Variants in HSPG2 observed in about 807,000 individuals in gnomAD.
HSPG2 encodes basement membrane-specific heparan sulfate proteoglycan core protein.
HSPG2 carries 278 observed loss-of-function variants against 526.6 expected under a neutral mutation model. The observed-to-expected ratio is 0.53, with a 90% CI of 0.48 to 0.58. The LOEUF is 0.58. Ranked by LOEUF, HSPG2 falls within the 20% of genes least tolerant of loss-of-function variation. The pLI, the probability that HSPG2 is intolerant of heterozygous loss-of-function variation, is 0.00. For synonymous variants in HSPG2, 2,465 were observed against 2,555.4 expected, an observed-to-expected ratio of 0.96 and a Z score of 1.07; for missense variants, 5,354 against 6,099.5, an observed-to-expected ratio of 0.88 and a Z score of 4.07.
intron 1 of HSPG2, among the ~76,000 whole-genome samples, chr1:21,919,916 T>C (rs1643987888): frequency 6.6e-6 from 1 of 152,232 alleles, no homozygotes; most frequent in Non-Finnish European, 1.5e-5. Flanking sequence ...GAACTGTTTT[T>C]TCTTTTTTGA....
rs2098022539 is a variant in HSPG2 at position 21,835,435 on chromosome 1, C to A, written c.10453+105G>T. The A allele has an allele frequency of 1.3e-5, 10 of 779,668 alleles. No homozygotes were observed. In the South Asian group the frequency reaches 1.4e-4, roughly 11 times the overall value. The allele number at this position is 779,668 out of a possible 1,614,324, so 48.3% of individuals were successfully genotyped here. A position where few individuals can be genotyped will look rare whatever the true frequency, so the allele number is the denominator to read the frequency against. The stretch of plus-strand genomic sequence containing the variant: ...AATGGAATAATTCTCTTTATTCTGA[C>A]ACATTTAGGGGGATTCCTAGGGAAC... On this transcript the variant is annotated intron_variant, in intron 76 of 96. Coordinates refer to ENST00000374695, the MANE Select transcript of HSPG2 (RefSeq NM_005529.7).
intron 1 of HSPG2, among the ~76,000 whole-genome samples, chr1:21,915,239 G>C (rs906118505): frequency 1.3e-5 from 2 of 152,190 alleles, no homozygotes; most frequent in African/African-American, 4.8e-5. Context: ...CACCGCTAAG[G>C]GGCCCAGGCA....
Position 21,847,845 on chromosome 1 carries a change from G to A in HSPG2, c.7874-5C>T, listed in dbSNP as rs1198426964. 3 of 1,613,922 alleles carry A rather than the reference G, an allele frequency of 1.9e-6. No individual in the cohort carries two copies. The highest frequency in any genetic ancestry group is 1.3e-5 in the African/African-American group (1 of 75,044). On this transcript the variant is annotated splice_region_variant and splice_polypyrimidine_tract_variant and intron_variant, in intron 60 of 96. Transcript: ENST00000374695. This position sits in a 1 kb window ranked among gnomAD's most constrained non-coding sequence, Gnocchi z 4.1. ...TCGGTGGGGAGACGCTGGGCACTGG[G>A]GACAGACGGGTGTGGACCACGCAGC...
In HSPG2 at chr1:21,842,241, T is replaced by C. The variant is rs1359112345; in HGVS notation, c.9050A>G (p.Tyr3017Cys). 1.9e-6 allele frequency: 3 copies of C among 1,613,446 alleles called. No individual in the cohort carries two copies. Among genetic ancestry groups the C allele is most frequent in the African/African-American group, 1.3e-5 (1 of 74,918 alleles). ...VTVPPSEGSS[Y>C]RLRSPVISID... ...CCCATGGCATCTGCCATACTCACGG[T>C]AGGAAGACCCCTCACTGGGCGGGAC... The change falls in exon 68 of 97, where the codon TAC (tyrosine) becomes TGC (cysteine). Residue 3017 changes from tyrosine (Y) to cysteine (C), a missense_variant and splice_region_variant. Coordinates refer to ENST00000374695, the MANE Select transcript of HSPG2 (RefSeq NM_005529.7).
chr1:21,851,235 A>C (rs916911840), intron 55 of HSPG2: 3 of 405,360 alleles, frequency 7.4e-6, no homozygotes, highest in Non-Finnish European at 1.4e-5. Context: ...GGCCTCCCAA[A>C]GTGCTGGGAT....
At chr1:21,873,458 A>G in intron 29 of HSPG2, 34 bp from the exon 30 acceptor site, 1 of 1,610,680 alleles carries the variant, frequency 6.2e-7, no homozygotes, top group East Asian at 2.2e-5. Flanking sequence ...TGAATTTTGG[A>G]TGAAGGGAAG....
At chr1:21,849,465 C>T (rs1638714056) in intron 57 of HSPG2, among the ~76,000 whole-genome samples, 1 of 152,212 alleles carries the variant, frequency 6.6e-6, no homozygotes, top group Non-Finnish European at 1.5e-5. Context: ...ACACTCACAC[C>T]ACATCCCATC....
rs1315352696 is a variant in HSPG2 at position 21,872,430 on chromosome 1, G to A, written c.4030-53C>T. The A allele has an allele frequency of 1.3e-6, 2 of 1,494,884 alleles. No individual in the cohort carries two copies. The highest frequency in any genetic ancestry group is 9.1e-7 in the Non-Finnish European group (1 of 1,103,346). 92.6% of individuals were successfully genotyped at this position (1,494,884 alleles called of 1,614,324 possible). A position where few individuals can be genotyped will look rare whatever the true frequency, so the allele number is the denominator to read the frequency against. On this transcript the variant is annotated intron_variant, in intron 32 of 96. Coordinates refer to ENST00000374695, the MANE Select transcript of HSPG2 (RefSeq NM_005529.7). The surrounding 1 kb of genome is among the most constrained non-coding windows in gnomAD (Gnocchi z 5.5). ...AGCCTGAGCACCGGGGTGCCTTGGT[G>A]GGGGATGGGGCACGGGAGGGTGTTA... is the stretch of plus-strand genomic sequence containing the variant.
rs1484180546 is a variant in HSPG2 at position 21,875,876 on chromosome 1, A to C, written c.3170T>G (p.Val1057Gly). The change falls in exon 24 of 97, where the codon GTG (valine) becomes GGG (glycine). Residue 1057 changes from valine (V) to glycine (G), a missense_variant. Val to Gly is a moderately radical substitution (Grantham distance 109). Transcript: ENST00000374695. ...PSPGQPSTFI[V>G]PFREQAWQRP... ...AGTATTGCTCACCTCCCGGAAAGGC[A>C]CAATGAAGGTGCTGGGCTGGCCGGG... The C allele has an allele frequency of 6.2e-7, 1 of 1,614,076 alleles. No homozygotes were observed. Among genetic ancestry groups the C allele is most frequent in the Non-Finnish European group, 8.5e-7 (1 of 1,180,022 alleles).
rs1378192481 is a variant in HSPG2, at chr1:21,847,217, G to A, written c.8164+137C>T. On this transcript the variant is annotated intron_variant, in intron 62 of 96. Coordinates refer to ENST00000374695, the MANE Select transcript of HSPG2 (RefSeq NM_005529.7). This position sits in a 1 kb window ranked among gnomAD's most constrained non-coding sequence, Gnocchi z 4.1. ...TTGAAATGTTAGAAATGGGGTAGCCGTAGCCACTGAACCCACGCATCTTTC... is the reference window on the plus strand; with the variant it reads ...TTGAAATGTTAGAAATGGGGTAGCCATAGCCACTGAACCCACGCATCTTTC... 6 of 907,234 alleles carry A rather than the reference G, an allele frequency of 6.6e-6. No individual in the cohort carries two copies. Among genetic ancestry groups the A allele is most frequent in the East Asian group, 2.5e-5 (1 of 39,820 alleles). 56.2% of individuals were successfully genotyped at this position (907,234 alleles called of 1,614,324 possible).
chr1:21,890,625 G>A lies in HSPG2; in HGVS notation c.314C>T (p.Ser105Phe). The change falls in exon 4 of 97, where the codon TCC becomes TTC. Residue 105 changes from serine to phenylalanine, a missense_variant. Ser to Phe is a radical substitution (Grantham distance 155, BLOSUM62 -2). Transcript: ENST00000374695. The surrounding 1 kb of genome is among the most constrained non-coding windows in gnomAD (Gnocchi z 4.1). ...EYSPQLEDAGSREFREVSEAV... is the reference protein window; with the variant it reads ...EYSPQLEDAGFREFREVSEAV... ...CTCGGACACCTCTCGGAACTCTCTG[G>A]AGCCTGCATCCTCCAGCTGAGGGCT... 3 of 1,614,012 alleles carry A rather than the reference G, an allele frequency of 1.9e-6. No individual in the cohort carries two copies. Among genetic ancestry groups the A allele is most frequent in the Non-Finnish European group, 2.5e-6 (3 of 1,179,926 alleles).
chr1:21,878,053 G>T, intron 21 of HSPG2, 133 bp downstream of exon 21: 1 of 806,390 alleles, frequency 1.2e-6, no homozygotes, highest in Admixed American at 2.3e-5. Context: ...CGGTGGGCCA[G>T]GTCCACCAGC....
At chr1:21,923,938 T>C (rs959003532) in intron 1 of HSPG2, among the ~76,000 whole-genome samples, 3 of 152,202 alleles carry the variant, frequency 2.0e-5, no homozygotes, top group African/African-American at 7.2e-5. Context: ...AGTTTAGGAA[T>C]CTTGTGACTC....
chr1:21,900,522 C>T (rs1643041209), intron 1 of HSPG2, among the ~76,000 whole-genome samples: 1 of 152,146 alleles, frequency 6.6e-6, no homozygotes, highest in African/African-American at 2.4e-5. Context: ...AGGCTGGATC[C>T]TCCTCTCCTG....
intron 1 of HSPG2, among the ~76,000 whole-genome samples, chr1:21,922,007 TG>T (rs1644053244): frequency 6.6e-6 from 1 of 151,900 alleles, no homozygotes; most frequent in Non-Finnish European, 1.5e-5. Context: ...AGGTGGCAGG[TG>T]GGGTTGCAGG....
chr1:21,924,565 G>T (rs1644133750), intron 1 of HSPG2, among the ~76,000 whole-genome samples: 1 of 152,030 alleles, frequency 6.6e-6, no homozygotes, highest in Non-Finnish European at 1.5e-5. Context: ...CAACAAACAA[G>T]AAAGGAGCCC....
Position 21,847,963 on chromosome 1 carries a change from G to A in HSPG2, c.7868C>T (p.Ser2623Phe). Residue 2623 changes from serine to phenylalanine, a missense_variant, in exon 60 of 97, where the codon TCC becomes TTC. Transcript: ENST00000374695. This position sits in a 1 kb window ranked among gnomAD's most constrained non-coding sequence, Gnocchi z 4.1. ...CCTGCCCTCTCTGCTCTCACCGTGG[G>A]AGGAACCGCTGCCCTGGATGGTGAC... ...LIVTIQGSGS[S>F]HVPSVSPPIR... 6.2e-7 allele frequency: 1 copy of A among 1,613,808 alleles called. No homozygotes were observed. Among genetic ancestry groups the A allele is most frequent in the South Asian group, 1.1e-5 (1 of 91,086 alleles).
intron 1 of HSPG2, among the ~76,000 whole-genome samples, chr1:21,918,513 A>T (rs930794884): frequency 2.0e-5 from 3 of 151,836 alleles, no homozygotes; most frequent in African/African-American, 7.3e-5. Context: ...TACCTGCCTT[A>T]TTGGGAGATT....
intron 1 of HSPG2, among the ~76,000 whole-genome samples, chr1:21,897,495 C>T (rs373080973): frequency 2.6e-4 from 39 of 152,288 alleles, no homozygotes; most frequent in African/African-American, 7.5e-4. Context: ...TCTCTCACGC[C>T]GGGCCCTCTG....
Sources: gnomAD v4.1 joint callset for allele counts (sites outside exome capture counted in the v4.1 genomes callset) on GRCh38, gnomAD v4.1.1 for gene constraint, Gnocchi (gnomAD v3.1) non-coding constraint, MANE v1.5 for transcripts, NCBI Gene and HGNC (gene_info 2026-07-23, HGNC 2026-07-21) for gene names.